Variants in PTPRN2 observed in about 807,000 individuals in gnomAD.
The protein encoded by PTPRN2 is receptor-type tyrosine-protein phosphatase N2.
PTPRN2 carries 74 observed loss-of-function variants against 118.8 expected under a neutral mutation model. The ratio of observed to expected loss-of-function variants is 0.62; its 90% CI spans 0.52 to 0.76. PTPRN2 has a LOEUF of 0.76. Among genes scored for constraint, PTPRN2 ranks in the 30% least tolerant of loss-of-function variants. The pLI, the probability that PTPRN2 is intolerant of heterozygous loss-of-function variation, is 0.00. For synonymous variants in PTPRN2, 641 were observed against 608.0 expected (o/e 1.05, Z -0.80); for missense variants, 1,481 against 1,394.4 (o/e 1.06, Z -0.99).
intron 2 of PTPRN2, among the ~76,000 whole-genome samples, chr7:158,423,985 T>G (rs1460606138): frequency 6.6e-6 from 1 of 152,246 alleles, no homozygotes; most frequent in African/African-American, 2.4e-5. Context: ...TACCTTATTT[T>G]CACTTTTTTA....
chr7:158,431,798 C>T (rs34212455), intron 2 of PTPRN2, among the ~76,000 whole-genome samples: 56,523 of 151,640 alleles, frequency 0.37, 11,699 homozygotes, highest in East Asian at 0.63. Flanking sequence ...CTGGCTCACA[C>T]CGGGCACACA....
intron 2 of PTPRN2, among the ~76,000 whole-genome samples, chr7:158,450,573 G>A (rs527901796): frequency 1.3e-5 from 2 of 152,234 alleles, no homozygotes; most frequent in East Asian, 1.9e-4. Flanking sequence ...CCGACTTGAT[G>A]GAAGCTGTGC....
intron 4 of PTPRN2, among the ~76,000 whole-genome samples, chr7:158,196,521 T>G (rs1051442447): frequency 2.6e-5 from 4 of 152,200 alleles, no homozygotes; most frequent in Non-Finnish European, 5.9e-5. Flanking sequence ...CTGAGGCCTC[T>G]GTCATGACCA....
rs919913898 is a variant in PTPRN2 at position 157,801,076 on chromosome 7, T to C, written c.1788+97597A>G. 1.0e-4 allele frequency among the ~76,000 whole-genome samples: 15 copies of C among 148,788 alleles called. No homozygotes were observed. The highest frequency in any genetic ancestry group is 2.7e-4 in the Admixed American group (4 of 14,948). On this transcript the variant is annotated intron_variant, in intron 12 of 22. Transcript: ENST00000389418. The surrounding 1 kb of genome is among the most constrained non-coding windows in gnomAD (Gnocchi z 4.2). ...ATACACATATATATACACATATATATACACACACACACACATATATATATG... is the reference window on the plus strand; with the variant it reads ...ATACACATATATATACACATATATACACACACACACACACATATATATATG...
At chr7:158,206,302 G>A (rs1361977386) in intron 3 of PTPRN2, among the ~76,000 whole-genome samples, 1 of 152,164 alleles carries the variant, frequency 6.6e-6, no homozygotes, top group Non-Finnish European at 1.5e-5. Context: ...CTAGCTCCCA[G>A]GTGACATTTC....
intron 12 of PTPRN2, among the ~76,000 whole-genome samples, chr7:157,896,493 C>T (rs1330275477): frequency 6.6e-6 from 1 of 151,660 alleles, no homozygotes; most frequent in Non-Finnish European, 1.5e-5. Context: ...AGGTGCTGTC[C>T]TCCAGGCTCA....
intron 10 of PTPRN2, among the ~76,000 whole-genome samples, chr7:158,085,315 C>A (rs139943500): frequency 0.013 from 1,703 of 128,590 alleles, 105 homozygotes; most frequent in African/African-American, 0.055. Flanking sequence ...ACACCCACGA[C>A]GCCCATTCAC....
At chr7:158,364,792 A>T (rs540454632) in intron 2 of PTPRN2, among the ~76,000 whole-genome samples, 1 of 152,162 alleles carries the variant, frequency 6.6e-6, no homozygotes, top group Non-Finnish European at 1.5e-5. Flanking sequence ...GTCTCCAGGC[A>T]TGTTTACCTC....
intron 1 of PTPRN2, among the ~76,000 whole-genome samples, chr7:158,536,543 C>T (rs983886778): frequency 2.0e-5 from 3 of 148,414 alleles, no homozygotes; most frequent in Admixed American, 2.0e-4. Context: ...CAGGAAGACA[C>T]AAGGACCCTC....
intron 11 of PTPRN2, chr7:158,030,551 G>A (rs977025282): frequency 6.6e-6 from 1 of 152,394 alleles, no homozygotes; most frequent in African/African-American, 2.4e-5. Context: ...TCCAGGGACT[G>A]GTGTCCCTAA....
At chr7:158,033,248 G>C (rs1807819143) in intron 11 of PTPRN2, among the ~76,000 whole-genome samples, 1 of 133,622 alleles carries the variant, frequency 7.5e-6, no homozygotes, top group African/African-American at 3.0e-5. Flanking sequence ...ATGGAGCTGT[G>C]GTGATCTTCT....
At chr7:158,127,517 G>C (rs1440683602) in intron 9 of PTPRN2, among the ~76,000 whole-genome samples, 1 of 152,144 alleles carries the variant, frequency 6.6e-6, no homozygotes. Flanking sequence ...GACTTCCGTG[G>C]GTCAAGGGCC....
At chr7:157,648,743 T>C (rs1805343633) in intron 14 of PTPRN2, among the ~76,000 whole-genome samples, 1 of 145,100 alleles carries the variant, frequency 6.9e-6, no homozygotes, top group East Asian at 2.6e-4. Flanking sequence ...GTCGGACCCA[T>C]CCAGTGTGCA....
chr7:157,590,475 G>A lies in PTPRN2; in HGVS notation c.2496+4763C>T, dbSNP rs935614642. On this transcript the variant is annotated intron_variant, in intron 17 of 22. Transcript: ENST00000389418. This position sits in a 1 kb window ranked among gnomAD's most constrained non-coding sequence, Gnocchi z 4.0. ...AATTTATTTTTAGGAATTTCTTGAT[G>A]TAAGTCAAATTTTGGAAATCAAATT... Among the ~76,000 whole-genome samples the A allele has an allele frequency of 1.2e-4, 19 of 152,350 alleles. No homozygotes were observed. The highest frequency in any genetic ancestry group is 1.0e-3 in the South Asian group (5 of 4,826).
chr7:158,189,479 A>C (rs1010081960), intron 5 of PTPRN2, among the ~76,000 whole-genome samples: 3 of 152,200 alleles, frequency 2.0e-5, no homozygotes, highest in African/African-American at 7.2e-5. Context: ...CGAGCCTCCA[A>C]GGCTACGCTC....
intron 12 of PTPRN2, among the ~76,000 whole-genome samples, chr7:157,703,624 A>G (rs1260000061): frequency 6.6e-6 from 1 of 152,166 alleles, no homozygotes; most frequent in Non-Finnish European, 1.5e-5. Flanking sequence ...TCTTCCACAA[A>G]AGAACTTCTT....
chr7:158,071,712 CTGGTGGTGGAGGTGCTCG>C (rs1440061549), intron 11 of PTPRN2, among the ~76,000 whole-genome samples: 16 of 47,218 alleles, frequency 3.4e-4, no homozygotes, highest in Admixed American at 7.7e-4. Context: ...GGAGGTGCTC[CTGGTGGTGGAGGTGCTCG>C]TGGTGGTGGA....
At chr7:158,035,266 G>T (rs1808012963) in intron 11 of PTPRN2, among the ~76,000 whole-genome samples, 1 of 152,238 alleles carries the variant, frequency 6.6e-6, no homozygotes. Context: ...GTCTAGAGAT[G>T]TCCATTTCGA....
intron 12 of PTPRN2, among the ~76,000 whole-genome samples, chr7:157,827,197 T>G: frequency 6.6e-6 from 1 of 152,228 alleles, no homozygotes; most frequent in East Asian, 1.9e-4. Flanking sequence ...TTCAAACTCA[T>G]GAAGCATCAA....
Sources: allele counts gnomAD v4.1 joint callset (sites outside exome capture counted in the v4.1 genomes callset), GRCh38; gene constraint gnomAD v4.1.1; non-coding constraint Gnocchi (gnomAD v3.1); transcripts MANE v1.5; gene names NCBI Gene and HGNC (gene_info 2026-07-23, HGNC 2026-07-21).